The following FBXL13 variants were observed in gnomAD, a reference collection of about 807,000 sequenced individuals.
FBXL13 encodes the protein F-box and leucine-rich repeat protein 13.
FBXL13 carries 67 observed loss-of-function variants against 83.6 expected under a neutral mutation model. The observed-to-expected ratio is 0.80, with a 90% CI of 0.66 to 0.98. FBXL13 has a LOEUF of 0.98. Ranked by LOEUF, FBXL13 falls within the 50% of genes least tolerant of loss-of-function variation. The pLI is 0.00. For missense variants in FBXL13, 822 were observed against 866.5 expected (o/e 0.95, Z 0.64); for synonymous variants, 272 against 299.5 (o/e 0.91, Z 0.95).
At chr7:102,884,731 T>G (rs1810571547) in intron 11 of FBXL13, among the ~76,000 whole-genome samples, 1 of 152,232 alleles carries the variant, frequency 6.6e-6, no homozygotes, top group Admixed American at 6.5e-5. Flanking sequence ...AGCACCTAAA[T>G]GTAGTTCCAA....
At chr7:102,968,086 A>G in exon 7 of FBXL13, 1 of 1,613,736 alleles carries the variant, frequency 6.2e-7, no homozygotes, top group Non-Finnish European at 8.5e-7. Context: ...ACCACATATT[A>G]TCACATCTTT....
intron 2 of FBXL13, among the ~76,000 whole-genome samples, chr7:103,033,526 G>A (rs920212587): frequency 6.6e-6 from 1 of 152,210 alleles, no homozygotes; most frequent in East Asian, 1.9e-4. Context: ...TCCTTCTGGT[G>A]GATTCGTGGT....
At chr7:102,819,152 T>C (rs1798443186) in intron 19 of FBXL13, among the ~76,000 whole-genome samples, 1 of 152,164 alleles carries the variant, frequency 6.6e-6, no homozygotes, top group Admixed American at 6.5e-5. Context: ...TGGGGGCCAT[T>C]GTGAGGGTCT....
At chr7:102,893,622 G>A (rs1345445609) in intron 11 of FBXL13, among the ~76,000 whole-genome samples, 1 of 152,038 alleles carries the variant, frequency 6.6e-6, no homozygotes, top group Non-Finnish European at 1.5e-5. Context: ...AAAAAAATTA[G>A]CCAGGTGTGG....
chr7:102,903,403 A>T (rs1431549025), intron 11 of FBXL13, among the ~76,000 whole-genome samples: 2 of 152,172 alleles, frequency 1.3e-5, no homozygotes, highest in African/African-American at 4.8e-5. Flanking sequence ...GATGCTCTTT[A>T]TATCTTTCTC....
intron 10 of FBXL13, 148 bp from the exon 12 acceptor site, chr7:102,913,363 GTTAA>G: frequency 6.8e-6 from 6 of 879,266 alleles, no homozygotes; most frequent in South Asian, 5.3e-5. Context: ...CTCTCTACCT[GTTAA>G]TTAAAGGAGA....
chr7:102,830,966 A>G (rs1381714828), intron 18 of FBXL13, among the ~76,000 whole-genome samples: 2 of 152,148 alleles, frequency 1.3e-5, no homozygotes, highest in Non-Finnish European at 2.9e-5. Flanking sequence ...AGAGTGGAGG[A>G]CTAAAAACTA....
chr7:102,835,603 GTTTTTTTTTTTT>G (rs776220490), intron 17 of FBXL13, among the ~76,000 whole-genome samples: 22,449 of 98,106 alleles, frequency 0.23, 1,903 homozygotes, highest in Middle Eastern at 0.43. Context: ...AGGTGACATT[GTTTTTTTTTTTT>G]TTTTTTTTTT....
chr7:102,943,645 A>T (rs1821902602), intron 8 of FBXL13, among the ~76,000 whole-genome samples: 1 of 152,196 alleles, frequency 6.6e-6, no homozygotes, highest in African/African-American at 2.4e-5. Context: ...AACCAGGCAG[A>T]TACCACCCAT....
chr7:102,923,544 C>T lies in FBXL13; in HGVS notation c.878+2730G>A, dbSNP rs1487932467. ...CTTGCCTGTATAAGAATTTTAAGGCCGGGCGCGGTGGCTCACGCTTGTAAT... is the reference window on the plus strand; with the variant it reads ...CTTGCCTGTATAAGAATTTTAAGGCTGGGCGCGGTGGCTCACGCTTGTAAT... On this transcript the variant is annotated intron_variant, in intron 10 of 19. Transcript: ENST00000313221. Among the ~76,000 whole-genome samples, 7 of 152,088 alleles carry T rather than the reference C, an allele frequency of 4.6e-5. 1 individual carries two copies. Among genetic ancestry groups the T allele is most frequent in the South Asian group, 4.2e-4 (2 of 4,818 alleles).
chr7:102,890,738 C>T (rs1385241082), intron 11 of FBXL13, among the ~76,000 whole-genome samples: 1 of 152,204 alleles, frequency 6.6e-6, no homozygotes, highest in Non-Finnish European at 1.5e-5. Context: ...GCTTCCACTT[C>T]CCACTCCTCC....
chr7:102,929,082 C>T (rs1818655192), intron 9 of FBXL13, among the ~76,000 whole-genome samples: 1 of 152,122 alleles, frequency 6.6e-6, no homozygotes, highest in African/African-American at 2.4e-5. Context: ...AGGGATTAAA[C>T]AACTAATTTA....
intron 1 of FBXL13, among the ~76,000 whole-genome samples, chr7:103,061,989 T>C (rs369635063): frequency 5.8e-5 from 1 of 17,202 alleles, no homozygotes; most frequent in Admixed American, 7.0e-4. Flanking sequence ...GAAAGAAACA[T>C]AAAACATAAA....
intron 9 of FBXL13, among the ~76,000 whole-genome samples, chr7:102,931,601 CTG>C (rs1420247809): frequency 6.6e-6 from 1 of 152,152 alleles, no homozygotes; most frequent in Non-Finnish European, 1.5e-5. Context: ...CAATTTTTTT[CTG>C]TCTCATACAC....
intron 10 of FBXL13, among the ~76,000 whole-genome samples, chr7:102,916,854 C>T (rs965988765): frequency 6.6e-6 from 1 of 151,572 alleles, no homozygotes; most frequent in East Asian, 1.9e-4. Context: ...CCACTATAAT[C>T]TTTAGAGAAA....
chr7:102,964,771 G>A (rs900791263), intron 7 of FBXL13, among the ~76,000 whole-genome samples: 5 of 152,042 alleles, frequency 3.3e-5, no homozygotes, highest in Non-Finnish European at 5.9e-5. Flanking sequence ...TTATTCTGCC[G>A]ATGTAATCAT....
chr7:102,854,427 C>T (rs1805731150), intron 17 of FBXL13, among the ~76,000 whole-genome samples: 2 of 152,068 alleles, frequency 1.3e-5, no homozygotes, highest in South Asian at 2.1e-4. Context: ...TGCTAGATGA[C>T]GAGTTAGTGG....
intron 6 of FBXL13, among the ~76,000 whole-genome samples, chr7:102,990,877 G>A (rs1456137197): frequency 1.3e-5 from 2 of 152,246 alleles, no homozygotes; most frequent in Non-Finnish European, 2.9e-5. Context: ...AGCAATGATG[G>A]AGAATGCAGC....
intron 2 of FBXL13, among the ~76,000 whole-genome samples, chr7:103,049,100 A>C (rs1239443479): frequency 2.0e-5 from 3 of 152,204 alleles, no homozygotes; most frequent in Non-Finnish European, 4.4e-5. Flanking sequence ...TTAAACAACC[A>C]GTCATTTTAC....
Sources: allele counts gnomAD v4.1 joint callset (sites outside exome capture counted in the v4.1 genomes callset), GRCh38; gene constraint gnomAD v4.1.1; transcripts MANE v1.5; gene names NCBI Gene and HGNC (gene_info 2026-07-23, HGNC 2026-07-21).